ZNF385B: variants seen among roughly 807,000 people sequenced by gnomAD.
ZNF385B encodes zinc finger protein 533.
A neutral mutation model predicts 39.2 loss-of-function variants in ZNF385B; 23 were observed. That is an observed-to-expected ratio of 0.59 (90% confidence interval 0.42 to 0.83). The LOEUF is 0.83. ZNF385B is among the 40% of genes least tolerant of loss of function. The pLI, the probability that ZNF385B is intolerant of heterozygous loss-of-function variation, is 0.00. For synonymous variants in ZNF385B, 205 were observed against 222.6 expected (o/e 0.92, Z 0.70); for missense variants, 552 against 598.9 (o/e 0.92, Z 0.82).
chr2:179,787,374 T>C (rs1211870268), intron 1 of ZNF385B, among the ~76,000 whole-genome samples: 2 of 152,052 alleles, frequency 1.3e-5, no homozygotes, highest in African/African-American at 4.8e-5. Flanking sequence ...GTTTTAAACA[T>C]GGTACGTAGT....
intron 3 of ZNF385B, among the ~76,000 whole-genome samples, chr2:179,596,527 T>C (rs1335269102): frequency 6.6e-6 from 1 of 152,204 alleles, no homozygotes; most frequent in Non-Finnish European, 1.5e-5. Flanking sequence ...TGAGACTTCC[T>C]CTATCGTTGG....
chr2:179,457,653 T>C (rs1031102740), intron 6 of ZNF385B, among the ~76,000 whole-genome samples: 2 of 151,964 alleles, frequency 1.3e-5, no homozygotes, highest in African/African-American at 4.8e-5. Context: ...GCTCCTTTTC[T>C]TTTTTTTATT....
At chr2:179,810,959 G>T (rs574380930) in intron 1 of ZNF385B, among the ~76,000 whole-genome samples, 1 of 152,148 alleles carries the variant, frequency 6.6e-6, no homozygotes, top group Non-Finnish European at 1.5e-5. Context: ...CTTCAGTAAA[G>T]TTTCAGACAC....
intron 3 of ZNF385B, among the ~76,000 whole-genome samples, chr2:179,641,924 C>T (rs1324657282): frequency 6.6e-6 from 1 of 152,058 alleles, no homozygotes; most frequent in East Asian, 1.9e-4. Context: ...TCCCATTATT[C>T]CTTAGCATGT....
At chr2:179,778,498 G>A (rs1161934396) in intron 1 of ZNF385B, among the ~76,000 whole-genome samples, 3 of 152,148 alleles carry the variant, frequency 2.0e-5, no homozygotes, top group Admixed American at 6.5e-5. Flanking sequence ...GCAATTGAAT[G>A]GATGGATTCC....
intron 1 of ZNF385B, among the ~76,000 whole-genome samples, chr2:179,772,803 C>T (rs978333631): frequency 5.3e-5 from 8 of 152,126 alleles, no homozygotes; most frequent in African/African-American, 1.9e-4. Flanking sequence ...TCGGGGGTGT[C>T]TGATTTTAAA....
intron 3 of ZNF385B, among the ~76,000 whole-genome samples, chr2:179,745,430 T>C (rs1275531501): frequency 6.6e-6 from 1 of 152,174 alleles, no homozygotes; most frequent in African/African-American, 2.4e-5. Context: ...CACTGACTTG[T>C]TCAGAATGTT....
intron 3 of ZNF385B, among the ~76,000 whole-genome samples, chr2:179,571,632 G>A (rs1013034030): frequency 4.6e-5 from 7 of 152,294 alleles, no homozygotes; most frequent in Admixed American, 6.5e-5. Flanking sequence ...CAATTAAAAG[G>A]TTAGTTAGGA....
chr2:179,517,485 T>A (rs2058171319), intron 5 of ZNF385B, among the ~76,000 whole-genome samples: 1 of 149,948 alleles, frequency 6.7e-6, no homozygotes, highest in Non-Finnish European at 1.5e-5. Context: ...TTAAATATAA[T>A]TTCATAAATC....
chr2:179,495,328 C>T (rs1366274756), intron 5 of ZNF385B, among the ~76,000 whole-genome samples: 1 of 152,190 alleles, frequency 6.6e-6, no homozygotes, highest in East Asian at 1.9e-4. Context: ...TGTGCCAGCT[C>T]AGCCTCAATA....
chr2:179,728,559 T>C (rs1701170951), intron 3 of ZNF385B, among the ~76,000 whole-genome samples: 1 of 152,138 alleles, frequency 6.6e-6, no homozygotes, highest in African/African-American at 2.4e-5. Flanking sequence ...TTGTGGATCT[T>C]GGGTCTTGAA....
intron 3 of ZNF385B, among the ~76,000 whole-genome samples, chr2:179,713,307 T>C (rs1700123104): frequency 6.6e-6 from 1 of 152,190 alleles, no homozygotes; most frequent in Admixed American, 6.5e-5. Context: ...TATTTACCTC[T>C]CCTACATCAT....
At chr2:179,504,673 G>T (rs1490578501) in intron 5 of ZNF385B, among the ~76,000 whole-genome samples, 1 of 151,998 alleles carries the variant, frequency 6.6e-6, no homozygotes. Context: ...TGGGGAGAGG[G>T]GGGAGGGATA....
intron 1 of ZNF385B, among the ~76,000 whole-genome samples, chr2:179,797,980 A>G (rs1413816478): frequency 1.3e-5 from 2 of 152,132 alleles, no homozygotes; most frequent in Non-Finnish European, 1.5e-5. Context: ...GGTACAGTTT[A>G]TAGAGAAAAG....
At chr2:179,459,588 A>T (rs1252085927) in intron 6 of ZNF385B, among the ~76,000 whole-genome samples, 3 of 146,026 alleles carry the variant, frequency 2.1e-5, no homozygotes, top group East Asian at 2.0e-4. Context: ...AGAGAAAATA[A>T]GTGTGTGTGT....
chr2:179,695,010 C>T (rs188346705), intron 3 of ZNF385B, among the ~76,000 whole-genome samples: 17 of 151,914 alleles, frequency 1.1e-4, no homozygotes, highest in Non-Finnish European at 4.4e-5. Flanking sequence ...AGAAGGAGGA[C>T]GTCTGTGAGC....
intron 4 of ZNF385B, among the ~76,000 whole-genome samples, chr2:179,537,706 A>C (rs1465847160): frequency 6.6e-6 from 1 of 151,912 alleles, no homozygotes; most frequent in East Asian, 1.9e-4. Flanking sequence ...GTACCACTGC[A>C]TGCTAGCCTA....
chr2:179,466,915 C>CAAAAA (rs777679885), intron 6 of ZNF385B, among the ~76,000 whole-genome samples: 844 of 26,920 alleles, frequency 0.031, 176 homozygotes, highest in Non-Finnish European at 0.041. Flanking sequence ...GCAAGACTGT[C>CAAAAA]AAAAAAAAAA....
chr2:179,455,445 G>C (rs1452139502), intron 6 of ZNF385B, among the ~76,000 whole-genome samples: 1 of 152,048 alleles, frequency 6.6e-6, no homozygotes, highest in Non-Finnish European at 1.5e-5. Context: ...GGTTTCATAA[G>C]AGTTTTTTCC....
Sources: gnomAD v4.1 joint callset for allele counts (sites outside exome capture counted in the v4.1 genomes callset) on GRCh38, gnomAD v4.1.1 for gene constraint, MANE v1.5 for transcripts, NCBI Gene and HGNC (gene_info 2026-07-23, HGNC 2026-07-21) for gene names.